The following ADAMTS3 variants were observed in gnomAD, a reference collection of about 807,000 sequenced individuals.
ADAMTS3 encodes ADAM metallopeptidase with thrombospondin type 1 motif 3.
Under a neutral mutation model 129.0 loss-of-function variants are expected in ADAMTS3, and 73 were observed. That is an observed-to-expected ratio of 0.57 (90% CI 0.47 to 0.69). The LOEUF is 0.69. Among genes scored for constraint, ADAMTS3 ranks in the 30% least tolerant of loss-of-function variants. ADAMTS3 has a pLI of 0.00. For missense variants in ADAMTS3, 1,457 were observed against 1,514.5 expected (o/e 0.96, Z 0.63); for synonymous variants, 477 against 510.8 (o/e 0.93, Z 0.89).
intron 3 of ADAMTS3, among the ~76,000 whole-genome samples, chr4:72,537,812 G>A (rs902240552): frequency 1.3e-5 from 2 of 152,158 alleles, no homozygotes; most frequent in Non-Finnish European, 2.9e-5. Flanking sequence ...AGACCTAGTG[G>A]CAGTATTAGC....
In ADAMTS3 at chr4:72,414,803, C is replaced by A. The variant is rs746375369; in HGVS notation, c.661+12G>T. 1 of 1,392,490 alleles carries A rather than the reference C, an allele frequency of 7.2e-7. No homozygotes were observed. The highest frequency in any genetic ancestry group is 2.0e-5 in the South Asian group (1 of 50,516). The allele number at this position is 1,392,490 out of a possible 1,614,324, so 86.3% of individuals were successfully genotyped here. A position where few individuals can be genotyped will look rare whatever the true frequency, so the allele number is the denominator to read the frequency against. ...ATTATATTTCATTATTAAGCTTTGT[C>A]AAGACGCCTACCTCTGTAGTGGAAG... On this transcript the variant is annotated intron_variant, in intron 4 of 21. Transcript: ENST00000286657.
At chr4:72,361,302 GTAT>G (rs1466107756) in intron 4 of ADAMTS3, among the ~76,000 whole-genome samples, 3 of 152,090 alleles carry the variant, frequency 2.0e-5, no homozygotes, top group Non-Finnish European at 4.4e-5. Flanking sequence ...ATGAGATAAT[GTAT>G]TACAAATTAT....
At chr4:72,368,398 G>C (rs529507364) in intron 4 of ADAMTS3, among the ~76,000 whole-genome samples, 1 of 152,134 alleles carries the variant, frequency 6.6e-6, no homozygotes, top group Admixed American at 6.5e-5. Context: ...AAGACTTGAG[G>C]ACAAGGAGTA....
chr4:72,337,023 C>T (rs903809211), intron 5 of ADAMTS3, among the ~76,000 whole-genome samples: 2 of 152,120 alleles, frequency 1.3e-5, no homozygotes, highest in African/African-American at 4.8e-5. Flanking sequence ...ATTCAGGTCT[C>T]ATCAATAATA....
At chr4:72,536,027 T>A (rs978777609) in intron 3 of ADAMTS3, among the ~76,000 whole-genome samples, 6 of 152,158 alleles carry the variant, frequency 3.9e-5, no homozygotes, top group African/African-American at 1.4e-4. Flanking sequence ...AGGAACTGTT[T>A]CCTACAGCAG....
chr4:72,437,936 T>G (rs890127579), intron 3 of ADAMTS3, among the ~76,000 whole-genome samples: 9 of 151,784 alleles, frequency 5.9e-5, no homozygotes, highest in Non-Finnish European at 1.2e-4. Flanking sequence ...TTTTTCCCAT[T>G]AAATGGGAAA....
intron 4 of ADAMTS3, among the ~76,000 whole-genome samples, chr4:72,357,913 T>C (rs994743765): frequency 2.6e-5 from 4 of 151,968 alleles, no homozygotes; most frequent in African/African-American, 9.7e-5. Flanking sequence ...TATGACTTTG[T>C]AGAACATCCA....
At chr4:72,489,266 G>T (rs914604907) in intron 3 of ADAMTS3, among the ~76,000 whole-genome samples, 5 of 151,890 alleles carry the variant, frequency 3.3e-5, no homozygotes, top group African/African-American at 1.2e-4. Flanking sequence ...GATTTTTCTT[G>T]TACAGTAGCC....
intron 4 of ADAMTS3, among the ~76,000 whole-genome samples, chr4:72,382,523 C>T (rs1218148993): frequency 1.3e-5 from 2 of 152,024 alleles, no homozygotes; most frequent in Admixed American, 6.6e-5. Context: ...CCAGCAATCT[C>T]GCTACTGGGT....
intron 4 of ADAMTS3, among the ~76,000 whole-genome samples, chr4:72,344,946 T>G (rs1486334989): frequency 2.6e-5 from 4 of 152,158 alleles, no homozygotes; most frequent in Non-Finnish European, 5.9e-5. Context: ...TTTTTTCTTG[T>G]ATGCCACTGA....
chr4:72,367,923 TACTC>T (rs1380921518), intron 4 of ADAMTS3, among the ~76,000 whole-genome samples: 1 of 151,018 alleles, frequency 6.6e-6, no homozygotes, highest in Non-Finnish European at 1.5e-5. Context: ...GGGTGATTGT[TACTC>T]ACATGTTTTT....
At chr4:72,307,255 T>C (rs1057286952) in intron 15 of ADAMTS3, among the ~76,000 whole-genome samples, 3 of 152,078 alleles carry the variant, frequency 2.0e-5, no homozygotes, top group African/African-American at 7.2e-5. Context: ...GATCAGGGTG[T>C]TCAGCACTTT....
chr4:72,538,074 C>T (rs893439098), intron 3 of ADAMTS3, among the ~76,000 whole-genome samples: 4 of 152,016 alleles, frequency 2.6e-5, no homozygotes, highest in South Asian at 4.1e-4. Flanking sequence ...GGGAGGACCA[C>T]GGAAATACCA....
intron 19 of ADAMTS3, among the ~76,000 whole-genome samples, chr4:72,293,728 A>G (rs1244319594): frequency 1.3e-5 from 2 of 152,134 alleles, no homozygotes; most frequent in Admixed American, 6.6e-5. Context: ...TGAACATCCC[A>G]GGATTACCAC....
intron 13 of ADAMTS3, among the ~76,000 whole-genome samples, chr4:72,311,679 C>T (rs1344786830): frequency 6.6e-6 from 1 of 152,030 alleles, no homozygotes; most frequent in African/African-American, 2.4e-5. Context: ...TTCCTCTTTC[C>T]TTTAACATGG....
chr4:72,300,553 C>CATATTCTATTAATTAT (rs1718923345), intron 17 of ADAMTS3, among the ~76,000 whole-genome samples: 1 of 152,074 alleles, frequency 6.6e-6, no homozygotes, highest in Admixed American at 6.6e-5. Flanking sequence ...CTAGAATAGA[C>CATATTCTATTAATTAT]CCACATAAAT....
chr4:72,417,638 G>A (rs1196071142), intron 3 of ADAMTS3, among the ~76,000 whole-genome samples: 1 of 151,962 alleles, frequency 6.6e-6, no homozygotes, highest in Non-Finnish European at 1.5e-5. Context: ...ATGAAAGAAA[G>A]TACTTATATA....
intron 3 of ADAMTS3, among the ~76,000 whole-genome samples, chr4:72,421,148 A>G (rs1442461264): frequency 1.3e-5 from 2 of 152,214 alleles, no homozygotes; most frequent in East Asian, 1.9e-4. Context: ...AAGGCCCTCC[A>G]TGTCCTAGCC....
chr4:72,487,013 C>T (rs1042434864), intron 3 of ADAMTS3, among the ~76,000 whole-genome samples: 3 of 152,112 alleles, frequency 2.0e-5, no homozygotes, highest in Non-Finnish European at 2.9e-5. Flanking sequence ...GATCACCTCT[C>T]CAGTCATCAC....
Sources: allele counts gnomAD v4.1 joint callset (sites outside exome capture counted in the v4.1 genomes callset), GRCh38; gene constraint gnomAD v4.1.1; transcripts MANE v1.5; gene names NCBI Gene and HGNC (gene_info 2026-07-23, HGNC 2026-07-21).